CDH11: variants seen among roughly 807,000 people sequenced by gnomAD.
The protein encoded by CDH11 is cadherin-11.
CDH11 carries 11 observed loss-of-function variants against 67.8 expected under a neutral mutation model. The ratio of observed to expected loss-of-function variants is 0.16; its 90% confidence interval spans 0.10 to 0.27. The LOEUF (loss-of-function observed/expected upper bound fraction) is 0.27. CDH11 is among the 10% of genes least tolerant of loss of function. The pLI is 1.00. For missense variants in CDH11, 847 were observed against 1,031.2 expected, an observed-to-expected ratio of 0.82 and a Z score of 2.45; for synonymous variants, 419 against 400.0, an observed-to-expected ratio of 1.05 and a Z score of -0.57.
In CDH11 at chr16:65,096,406, G is replaced by GGGGTGT. The variant is rs1555528173; in HGVS notation, c.-298+25473_-298+25474insACACCC. Among the ~76,000 whole-genome samples the GGGGTGT allele has an allele frequency of 8.0e-3, 1,076 of 134,004 alleles. 18 individuals are homozygous for GGGGTGT. The highest frequency in any genetic ancestry group is 0.024 in the African/African-American group (862 of 35,724). The allele number at this position is 134,004 out of a possible 152,430, so 87.9% of individuals were successfully genotyped here. A position where few individuals can be genotyped will look rare whatever the true frequency, so the allele number is the denominator to read the frequency against. ...CAATCTCTTACCATAAATCTTTCGG[G>GGGGTGT]GTGTGTGTGTGTGTGTGTGTGTGTG... On this transcript the variant is annotated intron_variant, in intron 1 of 12. Transcript: ENST00000268603.
At chr16:65,095,182 T>C (rs1454615211) in intron 1 of CDH11, among the ~76,000 whole-genome samples, 3 of 152,104 alleles carry the variant, frequency 2.0e-5, no homozygotes, top group Non-Finnish European at 2.9e-5. Flanking sequence ...GTCTGCAACA[T>C]TGTGTCTCTG....
chr16:65,016,241 A>G (rs1415170749), intron 2 of CDH11, among the ~76,000 whole-genome samples: 1 of 142,812 alleles, frequency 7.0e-6, no homozygotes, highest in African/African-American at 2.5e-5. Context: ...TAATGATCTC[A>G]TTGTTGTTTC....
intron 1 of CDH11, among the ~76,000 whole-genome samples, chr16:65,071,805 C>T (rs2074422024): frequency 6.6e-6 from 1 of 152,178 alleles, no homozygotes; most frequent in African/African-American, 2.4e-5. Context: ...AGATCGTGAC[C>T]CGAGCCGAAA....
At chr16:65,041,837 C>T (rs1463167513) in intron 2 of CDH11, among the ~76,000 whole-genome samples, 1 of 152,208 alleles carries the variant, frequency 6.6e-6, no homozygotes, top group Non-Finnish European at 1.5e-5. Flanking sequence ...GCCCAAAAGG[C>T]CCATGCTAAT....
chr16:65,084,734 A>G lies in CDH11; in HGVS notation c.-297-30806T>C, dbSNP rs554206203. Among the ~76,000 whole-genome samples the G allele has an allele frequency of 1.0e-3, 159 of 152,314 alleles. 1 individual carries two copies. Among genetic ancestry groups the G allele is most frequent in the Non-Finnish European group, 1.8e-3 (120 of 68,032 alleles). ...ACAAGTGCTTTACATGTGTTTTTGT[A>G]TAATATCTTACAAGAACATAGTTTA... On this transcript the variant is annotated intron_variant, in intron 1 of 12. Coordinates refer to ENST00000268603, the MANE Select transcript of CDH11 (RefSeq NM_001797.4).
chr16:65,112,088 A>G (rs1252478915), intron 1 of CDH11, among the ~76,000 whole-genome samples: 1 of 150,538 alleles, frequency 6.6e-6, no homozygotes, highest in Non-Finnish European at 1.5e-5. Flanking sequence ...AAAAAAAAAA[A>G]GAATAAGTGC....
chr16:64,948,538 G>T (rs763191305), intron 12 of CDH11: 4 of 1,255,022 alleles, frequency 3.2e-6, no homozygotes, highest in Non-Finnish European at 4.7e-6. Context: ...TCTTATAGGG[G>T]GTGATGGCTA....
intron 2 of CDH11, among the ~76,000 whole-genome samples, chr16:65,033,522 C>T (rs184064674): frequency 1.3e-3 from 202 of 152,056 alleles, no homozygotes; most frequent in African/African-American, 4.2e-3. Context: ...GGGTGGATCA[C>T]GAGGTCAGGA....
intron 2 of CDH11, among the ~76,000 whole-genome samples, chr16:65,048,502 T>A (rs899422804): frequency 2.6e-5 from 4 of 151,888 alleles, no homozygotes; most frequent in Non-Finnish European, 4.4e-5. Flanking sequence ...TCAGTGCCCA[T>A]CAAAAAATGA....
chr16:64,952,510 C>A (rs1328590789), intron 11 of CDH11, among the ~76,000 whole-genome samples: 1 of 152,182 alleles, frequency 6.6e-6, no homozygotes, highest in Non-Finnish European at 1.5e-5. Context: ...CTTTTGTAGC[C>A]TCTGCCCCCA....
chr16:65,065,406 T>G (rs1432490915), intron 1 of CDH11, among the ~76,000 whole-genome samples: 2 of 152,176 alleles, frequency 1.3e-5, no homozygotes, highest in African/African-American at 2.4e-5. Context: ...TGAAATAATT[T>G]GAATGAAGGT....
At chr16:64,963,802 ATAAT>A (rs760400908) in intron 11 of CDH11, among the ~76,000 whole-genome samples, 13 of 152,208 alleles carry the variant, frequency 8.5e-5, no homozygotes, top group Non-Finnish European at 1.5e-4. Flanking sequence ...ATAAAGTGAA[ATAAT>A]TAAAGTATTG....
In CDH11 at chr16:64,979,219, A is replaced by G. The variant is rs142006598; in HGVS notation, c.1253+2829T>C. The stretch of plus-strand genomic sequence containing the variant: ...AATTCCAGCACTTTGGAAGGCAGAA[A>G]CAGGTGGATCATTTGAGGCCAGGAA... On this transcript the variant is annotated intron_variant, in intron 8 of 12. Transcript: ENST00000268603. 2.2e-3 allele frequency among the ~76,000 whole-genome samples: 337 copies of G among 152,308 alleles called. 3 individuals carry two copies. Among genetic ancestry groups the G allele is most frequent in the African/African-American group, 7.4e-3 (308 of 41,562 alleles).
intron 1 of CDH11, among the ~76,000 whole-genome samples, chr16:65,111,196 GTAACAGCAACAAGAA>G (rs2075149894): frequency 6.6e-6 from 1 of 152,172 alleles, no homozygotes. Context: ...AATATGAAAA[GTAACAGCAACAAGAA>G]TAACAGCAAC....
chr16:64,998,803 C>T lies in CDH11; in HGVS notation c.282G>A (p.Gly94=). The change falls in exon 4 of 13, where the codon GGG becomes GGA. Residue 94 remains glycine (G), a synonymous_variant. Coordinates refer to ENST00000268603, the MANE Select transcript of CDH11 (RefSeq NM_001797.4). ...TCACAAAAATGGTTCCAGCTCCTTC[C>T]CCTGAGAGAATGTATTTAATGTTCC... ...GDGNIKYILS[G]EGAGTIFVID... is the part of the protein sequence containing the mutation. The T allele has an allele frequency of 6.2e-7, 1 of 1,614,042 alleles. No individual in the cohort carries two copies.
upstream of CDH11, chr16:65,122,262 G>A: frequency 2.4e-6 from 1 of 415,668 alleles, no homozygotes; most frequent in South Asian, 2.4e-5. Flanking sequence ...CCCCGTCCGC[G>A]CCCCTCCCCC....
intron 11 of CDH11, chr16:64,968,367 C>T: frequency 1.1e-6 from 1 of 933,098 alleles, no homozygotes; most frequent in Non-Finnish European, 1.3e-6. Flanking sequence ...CTTTTCTCAT[C>T]CATTACATAT....
intron 1 of CDH11, among the ~76,000 whole-genome samples, chr16:65,066,975 T>C (rs376998936): frequency 1.3e-5 from 2 of 152,204 alleles, no homozygotes; most frequent in Admixed American, 6.5e-5. Context: ...TTTTACTAAC[T>C]GTTCTTGGCA....
Position 64,992,928 on chromosome 16 carries a change from C to T in CDH11, c.630G>A (p.Val210=), listed in dbSNP as rs1332228678. Residue 210 remains valine (V), a synonymous_variant, in exon 5 of 13, where the codon GTG becomes GTA. Transcript: ENST00000268603. The part of the protein sequence containing the change: ...SILEGQPYFS[V]EAQTGIIRTA... ...ATTCCACAGTACCTGTCTGTGCTTCCACCGAAAAATAGGGTTGTCCTTCGA... is the reference window on the plus strand; with the variant it reads ...ATTCCACAGTACCTGTCTGTGCTTCTACCGAAAAATAGGGTTGTCCTTCGA... 1 of 1,613,512 alleles carries T rather than the reference C, an allele frequency of 6.2e-7. No individual in the cohort carries two copies. The highest frequency in any genetic ancestry group is 8.5e-7 in the Non-Finnish European group (1 of 1,179,656).
Sources: allele counts gnomAD v4.1 joint callset (sites outside exome capture counted in the v4.1 genomes callset), GRCh38; gene constraint gnomAD v4.1.1; transcripts MANE v1.5; gene names NCBI Gene and HGNC (gene_info 2026-07-23, HGNC 2026-07-21).